Variants in PRELID2 observed in about 807,000 individuals in gnomAD.
PRELID2 encodes PRELI domain containing 2, also known as PRELI domain-containing protein 2.
A neutral mutation model predicts 28.4 loss-of-function variants in PRELID2; 25 were observed. That is an observed-to-expected ratio of 0.88 (90% CI 0.64 to 1.23). PRELID2 has a LOEUF of 1.23. PRELID2 is among the 50% of genes most tolerant of loss of function. PRELID2 has a pLI of 0.00. For synonymous variants in PRELID2, 76 were observed against 71.6 expected (o/e 1.06, Z -0.31); for missense variants, 201 against 214.4 (o/e 0.94, Z 0.39).
chr5:145,453,622 C>T, the PRELID2 span, among the ~76,000 whole-genome samples: 1 of 152,068 alleles, frequency 6.6e-6, no homozygotes, highest in African/African-American at 2.4e-5. Flanking sequence ...CCTAGACCCC[C>T]AACCCTGACA....
intron 1 of PRELID2, among the ~76,000 whole-genome samples, chr5:145,694,487 A>C (rs931133082): frequency 3.9e-5 from 6 of 152,208 alleles, no homozygotes; most frequent in Non-Finnish European, 5.9e-5. Context: ...ATGTTTAAAA[A>C]GATGTATAAT....
the PRELID2 span, among the ~76,000 whole-genome samples, chr5:145,370,855 G>A: frequency 6.6e-6 from 1 of 151,890 alleles, no homozygotes; most frequent in African/African-American, 2.4e-5. Flanking sequence ...TGTATTCCTA[G>A]GTATTTTATT....
chr5:145,403,715 C>A, the PRELID2 span, among the ~76,000 whole-genome samples: 3,553 of 152,148 alleles, frequency 0.023, 129 homozygotes, highest in African/African-American at 0.081. Flanking sequence ...TGTTATTATC[C>A]CTGATTTACA....
At chr5:145,703,049 G>C (rs1346483805) in intron 1 of PRELID2, among the ~76,000 whole-genome samples, 1 of 152,056 alleles carries the variant, frequency 6.6e-6, no homozygotes, top group African/African-American at 2.4e-5. Flanking sequence ...CAGAAAGCTG[G>C]GTCCAAGTTG....
At chr5:145,312,522 C>T in the PRELID2 span, among the ~76,000 whole-genome samples, 1 of 152,156 alleles carries the variant, frequency 6.6e-6, no homozygotes, top group African/African-American at 2.4e-5. Flanking sequence ...TTTACTCTCA[C>T]CCTCAGCCCT....
intron 1 of PRELID2, among the ~76,000 whole-genome samples, chr5:145,830,091 T>A (rs1345074780): frequency 6.6e-6 from 1 of 152,196 alleles, no homozygotes; most frequent in African/African-American, 2.4e-5. Flanking sequence ...AATCTAAAAT[T>A]GCACAGGGCT....
intron 1 of PRELID2, among the ~76,000 whole-genome samples, chr5:145,598,584 C>G (rs552377752): frequency 1.3e-5 from 2 of 152,258 alleles, no homozygotes; most frequent in East Asian, 3.9e-4. Context: ...AATTTGGATT[C>G]AATTCACCAA....
At chr5:145,479,798 A>G (rs402643) in intron 1 of PRELID2, among the ~76,000 whole-genome samples, 67,123 of 151,996 alleles carry the variant, frequency 0.44, 15,187 homozygotes, top group Non-Finnish European at 0.48. Context: ...TTCCTTAGCC[A>G]CTACATGGCA....
At chr5:145,604,881 C>CTATATATATATATA (rs1347559677) in intron 1 of PRELID2, among the ~76,000 whole-genome samples, 62 of 85,684 alleles carry the variant, frequency 7.2e-4, no homozygotes, top group African/African-American at 3.5e-3. Context: ...TGCTTGTTGG[C>CTATATATATATATA]CATATATATA....
At chr5:145,387,673 T>C in the PRELID2 span, among the ~76,000 whole-genome samples, 7 of 152,166 alleles carry the variant, frequency 4.6e-5, no homozygotes, top group Non-Finnish European at 1.0e-4. Flanking sequence ...GGCTCACATC[T>C]GTAATACCAG....
chr5:145,424,493 G>A, the PRELID2 span, among the ~76,000 whole-genome samples: 25 of 152,288 alleles, frequency 1.6e-4, no homozygotes, highest in South Asian at 4.1e-4. Flanking sequence ...GGAGTGACCC[G>A]ATTTTCCAGG....
intron 1 of PRELID2, among the ~76,000 whole-genome samples, chr5:145,695,473 G>A (rs1424615679): frequency 6.6e-6 from 1 of 152,196 alleles, no homozygotes; most frequent in African/African-American, 2.4e-5. Flanking sequence ...CACTTTTTTA[G>A]AAGAGAAATG....
chr5:145,439,290 G>A, the PRELID2 span, among the ~76,000 whole-genome samples: 3 of 152,054 alleles, frequency 2.0e-5, no homozygotes, highest in Admixed American at 6.6e-5. Flanking sequence ...TTTAGGAATC[G>A]GATGATTTGG....
At position 145,508,257 on chromosome 5, in the gene PRELID2, C is replaced by CAGACAGAT. The variant is rs147106499; in HGVS notation, n.71-34943_71-34942insATCTGTCT. ...TAGGCTGGAGTTACTTTTGCATAGA[C>CAGACAGAT]AGATAGATAGATAGATAGATAGATA... On this transcript the variant is annotated intron_variant and non_coding_transcript_variant, in intron 1 of 2. Coordinates refer to the PRELID2 transcript ENST00000510259. Among the ~76,000 whole-genome samples, 929 of 149,610 alleles carry CAGACAGAT rather than the reference C, an allele frequency of 6.2e-3. 3 individuals carry two copies. Among genetic ancestry groups the CAGACAGAT allele is most frequent in the African/African-American group, 9.8e-3 (399 of 40,736 alleles).
the PRELID2 span, among the ~76,000 whole-genome samples, chr5:145,396,282 T>C: frequency 2.0e-5 from 3 of 152,098 alleles, no homozygotes; most frequent in African/African-American, 7.2e-5. Context: ...AAAATGCAGG[T>C]TCATTGTTCA....
intron 1 of PRELID2, among the ~76,000 whole-genome samples, chr5:145,670,531 C>T (rs1466818892): frequency 6.6e-6 from 1 of 152,186 alleles, no homozygotes; most frequent in Non-Finnish European, 1.5e-5. Flanking sequence ...GTTTTTAGCA[C>T]ATTGCCTGGC....
chr5:145,603,767 TG>T (rs918910209), intron 1 of PRELID2, among the ~76,000 whole-genome samples: 5 of 152,176 alleles, frequency 3.3e-5, no homozygotes, highest in Admixed American at 3.3e-4. Flanking sequence ...ATATGTATTC[TG>T]AGGTGGACTG....
the PRELID2 span, among the ~76,000 whole-genome samples, chr5:145,271,262 G>A: frequency 1.2e-4 from 18 of 151,952 alleles, no homozygotes; most frequent in Non-Finnish European, 2.4e-4. Flanking sequence ...TTGAGTTGGG[G>A]TCACACCCTG....
Position 145,835,337 on chromosome 5 carries a change from A to G in PRELID2, c.-86T>C. The G allele has an allele frequency of 1.2e-6, 1 of 825,996 alleles. No homozygotes were observed. The allele number at this position is 825,996 out of a possible 1,614,324, so 51.2% of individuals were successfully genotyped here. ...GCTCCGCAGAGGCCCGGAGGCGCCC[A>G]CACTCGGACAGCCACATGGGCGTGG... On this transcript the variant is annotated 5_prime_UTR_variant, in exon 1 of 7. Transcript: ENST00000683046.
Sources: gnomAD v4.1 joint callset for allele counts (sites outside exome capture counted in the v4.1 genomes callset) on GRCh38, gnomAD v4.1.1 for gene constraint, MANE v1.5 for transcripts, NCBI Gene and HGNC (gene_info 2026-07-23, HGNC 2026-07-21) for gene names.